The following RAPGEF6 variants were observed in gnomAD, a reference collection of about 807,000 sequenced individuals.
The protein encoded by RAPGEF6 is PDZ domain containing guanine nucleotide exchange factor (GEF) 2.
RAPGEF6 carries 56 observed loss-of-function variants against 171.4 expected under a neutral mutation model. That is an observed-to-expected ratio of 0.33 (90% confidence interval 0.26 to 0.41). The LOEUF is 0.41. Among genes scored for constraint, RAPGEF6 ranks in the 10% least tolerant of loss-of-function variants. The probability of loss-of-function intolerance (pLI) is 1.00; values close to 1 mark genes in which losing one functional copy is unlikely to be tolerated. For missense variants in RAPGEF6, 1,674 were observed against 1,921.4 expected, an observed-to-expected ratio of 0.87 and a Z score of 2.41; for synonymous variants, 692 against 650.1, an observed-to-expected ratio of 1.06 and a Z score of -0.98.
chr5:131,581,421 G>A (rs1580618129), intron 4 of RAPGEF6, among the ~76,000 whole-genome samples: 5 of 151,992 alleles, frequency 3.3e-5, no homozygotes, highest in Admixed American at 3.3e-4. Flanking sequence ...TCAGGCCTTG[G>A]GTCTTCCGAT....
At chr5:131,583,369 A>C (rs915340962) in intron 4 of RAPGEF6, among the ~76,000 whole-genome samples, 6 of 152,252 alleles carry the variant, frequency 3.9e-5, no homozygotes, top group African/African-American at 9.6e-5. Context: ...TGTGGCAATA[A>C]GATGCCAAAT....
chr5:131,561,169 TAAAG>T (rs1761574944), intron 5 of RAPGEF6, among the ~76,000 whole-genome samples: 1 of 151,908 alleles, frequency 6.6e-6, no homozygotes. Context: ...TAAGAAAAAA[TAAAG>T]AATTATTCCT....
At chr5:131,614,281 CAAAAAAAAAA>C (rs386404987) in intron 1 of RAPGEF6, among the ~76,000 whole-genome samples, 6 of 81,428 alleles carry the variant, frequency 7.4e-5, no homozygotes, top group South Asian at 5.8e-4. Flanking sequence ...GACTCTGTCT[CAAAAAAAAAA>C]AAAAAAAAAA....
intron 4 of RAPGEF6, among the ~76,000 whole-genome samples, chr5:131,565,589 A>T (rs1350158375): frequency 6.6e-6 from 1 of 152,180 alleles, no homozygotes; most frequent in Non-Finnish European, 1.5e-5. Flanking sequence ...ATAATATCAG[A>T]TTCTGGCACA....
intron 15 of RAPGEF6, among the ~76,000 whole-genome samples, chr5:131,482,628 ACATT>A (rs1049959075): frequency 2.0e-5 from 3 of 152,178 alleles, no homozygotes; most frequent in African/African-American, 7.2e-5. Flanking sequence ...TAAAATTCAG[ACATT>A]CATTCAAAAA....
At chr5:131,522,869 C>T (rs763729281) in intron 6 of RAPGEF6, among the ~76,000 whole-genome samples, 7 of 152,128 alleles carry the variant, frequency 4.6e-5, no homozygotes, top group Non-Finnish European at 7.4e-5. Flanking sequence ...GAGTAAATGT[C>T]ACCCAAAAGT....
chr5:131,578,083 T>A (rs187295709), intron 4 of RAPGEF6, among the ~76,000 whole-genome samples: 17 of 152,330 alleles, frequency 1.1e-4, no homozygotes, highest in Admixed American at 1.1e-3. Flanking sequence ...TAACTGATTA[T>A]CTTCTGGTTT....
chr5:131,484,025 G>C (rs924738751), intron 15 of RAPGEF6, among the ~76,000 whole-genome samples: 1 of 150,142 alleles, frequency 6.7e-6, no homozygotes, highest in African/African-American at 2.4e-5. Flanking sequence ...GAACCCAGGA[G>C]GCGGAGCTTG....
At chr5:131,634,205 T>C (rs1229972720) in intron 1 of RAPGEF6, among the ~76,000 whole-genome samples, 1 of 151,246 alleles carries the variant, frequency 6.6e-6, no homozygotes, top group Non-Finnish European at 1.5e-5. Flanking sequence ...GTTTAGAAAA[T>C]ATGTCCCACT....
chr5:131,600,038 A>C (rs1478330570), intron 3 of RAPGEF6, among the ~76,000 whole-genome samples: 1 of 152,214 alleles, frequency 6.6e-6, no homozygotes, highest in Non-Finnish European at 1.5e-5. Flanking sequence ...TCTGAAAAGA[A>C]CTTTCCCGCA....
rs148829484 is a variant in RAPGEF6 at position 131,523,150 on chromosome 5, T to C, written c.496-1629A>G. Among the ~76,000 whole-genome samples, 1,099 of 152,160 alleles carry C rather than the reference T, an allele frequency of 7.2e-3. 7 individuals carry two copies. Among genetic ancestry groups the C allele is most frequent in the African/African-American group, 0.025 (1,018 of 41,522 alleles). On this transcript the variant is annotated intron_variant, in intron 6 of 27. Transcript: ENST00000509018. ...AAACTAACAAAGAAGTTTCAAATAA[T>C]AGGGTTACCAGACACAGTCTCTAAA... is the stretch of plus-strand genomic sequence containing the variant.
chr5:131,510,612 T>C, intron 7 of RAPGEF6, 121 bp from the exon 8 acceptor site: 2 of 834,312 alleles, frequency 2.4e-6, no homozygotes, highest in Non-Finnish European at 3.6e-6. Flanking sequence ...CGCTGGATGC[T>C]GCATCAAGAA....
At chr5:131,500,345 T>C (rs1479042175) in intron 11 of RAPGEF6, among the ~76,000 whole-genome samples, 1 of 152,202 alleles carries the variant, frequency 6.6e-6, no homozygotes, top group Non-Finnish European at 1.5e-5. Flanking sequence ...AATTGTTTTA[T>C]TACTCAGGCC....
At chr5:131,568,799 T>A (rs1762101318) in intron 4 of RAPGEF6, among the ~76,000 whole-genome samples, 1 of 152,170 alleles carries the variant, frequency 6.6e-6, no homozygotes, top group Non-Finnish European at 1.5e-5. Flanking sequence ...TGAAACTATG[T>A]TTAACATAGT....
At chr5:131,469,146 T>C (rs893656300) in intron 17 of RAPGEF6, among the ~76,000 whole-genome samples, 4 of 152,194 alleles carry the variant, frequency 2.6e-5, no homozygotes, top group Admixed American at 2.6e-4. Context: ...TTCAAAGGTA[T>C]ATTGCTAAAG....
At chr5:131,443,710 T>C (rs1752519259) in intron 22 of RAPGEF6, among the ~76,000 whole-genome samples, 1 of 152,242 alleles carries the variant, frequency 6.6e-6, no homozygotes, top group Non-Finnish European at 1.5e-5. Context: ...ACCAGTCCTA[T>C]ACTCTCATTA....
rs1281167239 is a variant in RAPGEF6, at chr5:131,444,100, G to C, written c.3422-1563C>G. On this transcript the variant is annotated intron_variant, in intron 22 of 27. Transcript: ENST00000509018. ...TGCAGGTGCAGCCTCAGTACTTCATGAAGTATTTGTTTTAAACATCAAGAT... is the reference window on the plus strand; with the variant it reads ...TGCAGGTGCAGCCTCAGTACTTCATCAAGTATTTGTTTTAAACATCAAGAT... 3.3e-5 allele frequency among the ~76,000 whole-genome samples: 5 copies of C among 152,276 alleles called. No individual in the cohort carries two copies. In the East Asian group the frequency reaches 9.6e-4, roughly 29 times the overall value.
intron 5 of RAPGEF6, among the ~76,000 whole-genome samples, chr5:131,556,718 C>T (rs980456340): frequency 4.6e-5 from 7 of 152,006 alleles, no homozygotes; most frequent in Non-Finnish European, 1.0e-4. Context: ...GTTCTCCTTG[C>T]TTTTTTTATT....
chr5:131,433,094 C>A (rs1041324716), intron 25 of RAPGEF6, among the ~76,000 whole-genome samples: 1 of 152,076 alleles, frequency 6.6e-6, no homozygotes, highest in Non-Finnish European at 1.5e-5. Context: ...GAGGCACTTT[C>A]CAAAACACAA....
Sources: allele counts gnomAD v4.1 joint callset (sites outside exome capture counted in the v4.1 genomes callset), GRCh38; gene constraint gnomAD v4.1.1; transcripts MANE v1.5; gene names NCBI Gene and HGNC (gene_info 2026-07-23, HGNC 2026-07-21).